The following ADAM32 variants were observed in gnomAD, a reference collection of about 807,000 sequenced individuals.
The protein encoded by ADAM32 is ADAM metallopeptidase domain 32.
In ADAM32, 89 loss-of-function variants were observed where a neutral mutation model predicts 114.9. That is an observed-to-expected ratio of 0.77 (90% CI 0.65 to 0.92). The LOEUF is 0.92. ADAM32 is among the 40% of genes least tolerant of loss of function. The pLI, the probability that ADAM32 is intolerant of heterozygous loss-of-function variation, is 0.00. For missense variants in ADAM32, 870 were observed against 932.8 expected (o/e 0.93, Z 0.88); for synonymous variants, 285 against 307.5 (o/e 0.93, Z 0.77).
intron 11 of ADAM32, among the ~76,000 whole-genome samples, chr8:39,193,723 G>T (rs557510556): frequency 6.6e-6 from 1 of 152,226 alleles, no homozygotes; most frequent in South Asian, 2.1e-4. Context: ...GTATCAGGTG[G>T]GTTCAGTCGA....
chr8:39,156,107 G>T (rs1260358517), intron 6 of ADAM32, among the ~76,000 whole-genome samples: 1 of 151,902 alleles, frequency 6.6e-6, no homozygotes. Context: ...AATAATTTGG[G>T]GAAAAGTGAG....
chr8:39,276,882 G>A (rs1813107426), intron 22 of ADAM32, among the ~76,000 whole-genome samples: 2 of 152,092 alleles, frequency 1.3e-5, no homozygotes, highest in African/African-American at 2.4e-5. Flanking sequence ...GATAATAAAG[G>A]CTATGTCTAT....
At chr8:39,177,503 A>G (rs890011032) in intron 10 of ADAM32, among the ~76,000 whole-genome samples, 2 of 152,074 alleles carry the variant, frequency 1.3e-5, no homozygotes, top group African/African-American at 4.8e-5. Flanking sequence ...CATTTAGCCG[A>G]TTTACATTTA....
Position 39,203,284 on chromosome 8 carries a change from T to C in ADAM32, c.1053-7860T>C, listed in dbSNP as rs563569739. On this transcript the variant is annotated intron_variant, in intron 11 of 24. Transcript: ENST00000379907. The stretch of plus-strand genomic sequence containing the variant: ...GGGAGTCTAAGTCTCTTTGTAGGTC[T>C]CTAAGGACTTGCTTTATGAATCTGG... 3.1e-4 allele frequency among the ~76,000 whole-genome samples: 47 copies of C among 152,278 alleles called. No individual in the cohort carries two copies. The South Asian group carries it at 9.3e-3, about 30-fold the overall frequency.
In ADAM32 at chr8:39,258,928, T is replaced by A. The variant is rs1414148643; in HGVS notation, c.2162+1585T>A. ...TTACTAATAATATCTTAAATACAATTTTCACTGTTTTAGATTGCTATATCA... is the reference window on the plus strand; with the variant it reads ...TTACTAATAATATCTTAAATACAATATTCACTGTTTTAGATTGCTATATCA... On this transcript the variant is annotated intron_variant, in intron 19 of 24. Coordinates refer to ENST00000379907, the MANE Select transcript of ADAM32 (RefSeq NM_145004.7). 2.0e-5 allele frequency among the ~76,000 whole-genome samples: 3 copies of A among 152,168 alleles called. No homozygotes were observed. The East Asian group carries it at 5.8e-4, about 29-fold the overall frequency.
intron 19 of ADAM32, among the ~76,000 whole-genome samples, chr8:39,262,000 C>T (rs1245606654): frequency 6.6e-6 from 1 of 152,126 alleles, no homozygotes; most frequent in Non-Finnish European, 1.5e-5. Flanking sequence ...TGTCTTTTCA[C>T]TATGCTGATT....
intron 18 of ADAM32, 68 bp downstream of exon 18, chr8:39,254,584 A>T: frequency 1.6e-6 from 2 of 1,284,896 alleles, no homozygotes; most frequent in South Asian, 1.6e-5. Context: ...ACTAAAACAA[A>T]GTTCGATTTT....
chr8:39,216,751 TC>T (rs1366286412), intron 12 of ADAM32, among the ~76,000 whole-genome samples: 1 of 152,048 alleles, frequency 6.6e-6, no homozygotes, highest in Non-Finnish European at 1.5e-5. Context: ...TTTTACTTCC[TC>T]CCCCTGCTTT....
At chr8:39,233,813 T>G in intron 15 of ADAM32, 86 bp from the exon 16 acceptor site, 1 of 940,850 alleles carries the variant, frequency 1.1e-6, no homozygotes. Flanking sequence ...GGAAAACCAT[T>G]CTTTTTGCAT....
At chr8:39,225,959 T>C (rs7821373) in intron 14 of ADAM32, among the ~76,000 whole-genome samples, 14,566 of 152,044 alleles carry the variant, frequency 0.096, 2,356 homozygotes, top group African/African-American at 0.33. Context: ...GAAATAAAGA[T>C]CTTCAAATTG....
At chr8:39,162,507 T>G (rs372023555) in intron 7 of ADAM32, among the ~76,000 whole-genome samples, 2 of 152,120 alleles carry the variant, frequency 1.3e-5, no homozygotes, top group South Asian at 2.1e-4. Context: ...ATGATTTATA[T>G]TCCTTTGGGT....
In ADAM32 at chr8:39,221,683, T is replaced by G; in HGVS notation, c.1307T>G (p.Leu436Arg). Residue 436 changes from leucine (L) to arginine (R), a missense_variant, in exon 13 of 25, where the codon CTG becomes CGG. Leu to Arg is a moderately radical substitution (Grantham distance 102, BLOSUM62 -2). Transcript: ENST00000379907. Reference sequence around the variant, plus strand: ...GACGGAGCAAAATGTTATAAAGGACTGTGCTGCAAAGACTGTCAAGTAAGA... The same window carrying G: ...GACGGAGCAAAATGTTATAAAGGACGGTGCTGCAAAGACTGTCAAGTAAGA... Reference protein sequence around the residue: ...LKDGAKCYKGLCCKDCQILQS... With the variant: ...LKDGAKCYKGRCCKDCQILQS... 6.2e-7 allele frequency: 1 copy of G among 1,611,310 alleles called. No homozygotes were observed. The highest frequency in any genetic ancestry group is 1.1e-5 in the South Asian group (1 of 90,738).
chr8:39,187,931 T>G (rs1310218748), intron 11 of ADAM32, among the ~76,000 whole-genome samples: 1 of 152,222 alleles, frequency 6.6e-6, no homozygotes, highest in African/African-American at 2.4e-5. Flanking sequence ...CTAAACTTAT[T>G]AATCTTCCCC....
intron 6 of ADAM32, among the ~76,000 whole-genome samples, chr8:39,156,975 T>A (rs531477093): frequency 6.6e-6 from 1 of 152,310 alleles, no homozygotes; most frequent in African/African-American, 2.4e-5. Context: ...AGCAGGCAAG[T>A]CTACTAGCAA....
chr8:39,183,463 A>G (rs969313232), intron 10 of ADAM32, among the ~76,000 whole-genome samples: 3 of 149,802 alleles, frequency 2.0e-5, no homozygotes, highest in Non-Finnish European at 4.4e-5. Flanking sequence ...GGCTATTCCC[A>G]ATATAGTATA....
At chr8:39,276,185 C>T (rs1440210737) in intron 22 of ADAM32, 3 of 237,766 alleles carry the variant, frequency 1.3e-5, no homozygotes, top group Non-Finnish European at 2.4e-5. Context: ...TCTTGGAGTA[C>T]ACCAAGGGGA....
chr8:39,153,964 T>C (rs1803991699), intron 6 of ADAM32, among the ~76,000 whole-genome samples: 2 of 151,250 alleles, frequency 1.3e-5, no homozygotes, highest in South Asian at 4.2e-4. Context: ...CCCACAGATA[T>C]CATCGTTTGT....
intron 1 of ADAM32, among the ~76,000 whole-genome samples, chr8:39,111,319 T>G (rs955204810): frequency 2.0e-5 from 3 of 152,198 alleles, no homozygotes; most frequent in African/African-American, 7.2e-5. Flanking sequence ...GACTTTGTTA[T>G]CCCCCAATAA....
chr8:39,161,192 A>AT (rs1305362833), intron 7 of ADAM32, among the ~76,000 whole-genome samples: 7 of 152,130 alleles, frequency 4.6e-5, no homozygotes, highest in Admixed American at 2.6e-4. Flanking sequence ...AACAAAATGT[A>AT]TTTTTTTCCC....
Sources: gnomAD v4.1 joint callset for allele counts (sites outside exome capture counted in the v4.1 genomes callset) on GRCh38, gnomAD v4.1.1 for gene constraint, MANE v1.5 for transcripts, NCBI Gene and HGNC (gene_info 2026-07-23, HGNC 2026-07-21) for gene names.